Variants in RAD51D observed in about 807,000 individuals in gnomAD.
RAD51D encodes the protein RAD51 paralog D, also known as DNA repair protein RAD51 homolog 4.
Under a neutral mutation model 44.1 loss-of-function variants are expected in RAD51D, and 38 were observed. The observed-to-expected ratio is 0.86, with a 90% CI of 0.67 to 1.13. The LOEUF is 1.13. Ranked by LOEUF, RAD51D falls within the 50% of genes most tolerant of loss-of-function variation. The probability of loss-of-function intolerance (pLI) is 0.00; values close to 1 mark genes in which losing one functional copy is unlikely to be tolerated. For synonymous variants in RAD51D, 141 were observed against 166.6 expected, an observed-to-expected ratio of 0.85 and a Z score of 1.18; for missense variants, 390 against 414.0, an observed-to-expected ratio of 0.94 and a Z score of 0.50.
rs2142479898 is a variant in RAD51D, at chr17:35,119,518, G to A, written c.82+14C>T. ...AGGCCCGCGCGGCTCCCTGGCACGC[G>A]CACACCCGGTCACCTGTCTTGATCC... On this transcript the variant is annotated intron_variant, in intron 1 of 9. Coordinates refer to ENST00000345365, the MANE Select transcript of RAD51D (RefSeq NM_002878.4). 1 of 1,610,202 alleles carries A rather than the reference G, an allele frequency of 6.2e-7. No homozygotes were observed.
In RAD51D at chr17:35,096,630, G is replaced by A. The variant is rs763594156; in HGVS notation, c.*4323C>T. The stretch of plus-strand genomic sequence containing the variant: ...ATCCCTAGCACTTTGGGAGGTCAAG[G>A]CGGGTAGATCACCTGAGCCCAGGAG... On this transcript the variant is annotated 3_prime_UTR_variant, in exon 10 of 10. Transcript: ENST00000345365. 1 of 152,190 alleles carries A rather than the reference G, an allele frequency of 6.6e-6. No homozygotes were observed. The highest frequency in any genetic ancestry group is 1.5e-5 in the Non-Finnish European group (1 of 68,056). The allele number at this position is 152,190 out of a possible 1,614,324, so 9.4% of individuals were successfully genotyped here.
intron 3 of RAD51D, among the ~76,000 whole-genome samples, chr17:35,116,252 A>G (rs918935991): frequency 6.6e-6 from 1 of 152,000 alleles, no homozygotes; most frequent in African/African-American, 2.4e-5. Context: ...GGCCTCTGCC[A>G]CCCTTCCACC....
Position 35,098,017 on chromosome 17 carries a change from G to T in RAD51D, c.*2936C>A, listed in dbSNP as rs1000155555. 6.6e-6 allele frequency: 1 copy of T among 152,276 alleles called. No individual in the cohort carries two copies. The highest frequency in any genetic ancestry group is 2.4e-5 in the African/African-American group (1 of 41,400). The allele number at this position is 152,276 out of a possible 1,614,324, so 9.4% of individuals were successfully genotyped here. On this transcript the variant is annotated 3_prime_UTR_variant, in exon 10 of 10. Transcript: ENST00000345365. ...CCGGAACAGAGTGCAGTGGCAGCAGGCAGGCAAGACAAAGTCCTGGTCTAG... is the reference window on the plus strand; with the variant it reads ...CCGGAACAGAGTGCAGTGGCAGCAGTCAGGCAAGACAAAGTCCTGGTCTAG...
chr17:35,118,737 G>A (rs1420395536), intron 2 of RAD51D, 118 bp from the exon 3 acceptor site: 2 of 828,812 alleles, frequency 2.4e-6, no homozygotes, highest in Non-Finnish European at 4.1e-6. Context: ...GGCTTGGGAT[G>A]GACTTTTGTT....
chr17:35,112,056 C>T lies in RAD51D; in HGVS notation c.264-4609G>A, dbSNP rs552130274. Among the ~76,000 whole-genome samples the T allele has an allele frequency of 7.2e-5, 11 of 152,296 alleles. No individual in the cohort carries two copies. The South Asian group carries it at 2.3e-3, about 32-fold the overall frequency. ...ATTTCTCTGAAACAACTATAAATGG[C>T]ATTGTGTTTTTGTTTGTTTGTTTAT... On this transcript the variant is annotated intron_variant, in intron 3 of 9. Coordinates refer to ENST00000345365, the MANE Select transcript of RAD51D (RefSeq NM_002878.4).
chr17:35,118,055 TA>T (rs2091770280), intron 3 of RAD51D, among the ~76,000 whole-genome samples: 1 of 152,128 alleles, frequency 6.6e-6, no homozygotes, highest in South Asian at 2.1e-4. Flanking sequence ...AAATAAGAAG[TA>T]GGGCCAGAGA....
chr17:35,100,156 T>C lies in RAD51D; in HGVS notation c.*797A>G. Reference sequence around the variant, plus strand: ...GAGGGGCCCCACAGGGCACCATGCATATTAAATGAGTGGCTGGATTCACCA... The same window carrying C: ...GAGGGGCCCCACAGGGCACCATGCACATTAAATGAGTGGCTGGATTCACCA... On this transcript the variant is annotated 3_prime_UTR_variant, in exon 10 of 10. Transcript: ENST00000345365. 1.9e-6 allele frequency: 1 copy of C among 532,968 alleles called. No individual in the cohort carries two copies. The highest frequency in any genetic ancestry group is 3.6e-6 in the Non-Finnish European group (1 of 275,490). 33.0% of individuals were successfully genotyped at this position (532,968 alleles called of 1,614,324 possible).
At chr17:35,114,102 C>G (rs1475500859) in intron 3 of RAD51D, among the ~76,000 whole-genome samples, 1 of 151,966 alleles carries the variant, frequency 6.6e-6, no homozygotes, top group Non-Finnish European at 1.5e-5. Flanking sequence ...GAAACTCCGT[C>G]TCTACTAAAA....
In RAD51D at chr17:35,103,958, A is replaced by G. The variant is rs1397081886; in HGVS notation, c.577-414T>C. Among the ~76,000 whole-genome samples, 1 of 152,110 alleles carries G rather than the reference A, an allele frequency of 6.6e-6. No homozygotes were observed. The highest frequency in any genetic ancestry group is 1.5e-5 in the Non-Finnish European group (1 of 68,008). ...CTGGGCGTGGTGGTGCACACCTGTAATCCCAGCTACTCAGGAGGCTGAGGC... is the reference window on the plus strand; with the variant it reads ...CTGGGCGTGGTGGTGCACACCTGTAGTCCCAGCTACTCAGGAGGCTGAGGC... On this transcript the variant is annotated intron_variant, in intron 6 of 9. Transcript: ENST00000345365. This position sits in a 1 kb window ranked among gnomAD's most constrained non-coding sequence, Gnocchi z 4.1.
At chr17:35,110,176 G>A (rs2091658192) in intron 3 of RAD51D, among the ~76,000 whole-genome samples, 3 of 151,842 alleles carry the variant, frequency 2.0e-5, no homozygotes, top group South Asian at 4.2e-4. Flanking sequence ...TTTTTGCCAC[G>A]TTGCCCAGGC....
chr17:35,107,076 T>C lies in RAD51D; in HGVS notation c.392A>G (p.Asn131Ser), dbSNP rs1060502954. The part of the protein sequence containing the change: ...AANVAHGLQQ[N>S]VLYVDSNGGL... ...TCCATTGGAATCTACATATAGGACG[T>C]TTTGCTGCAGGCCATGGGCCACATT... The change falls in exon 5 of 10, where the codon AAC (asparagine) becomes AGC (serine). Residue 131 changes from asparagine (N) to serine (S), a missense_variant. Physicochemically the swap from Asn to Ser is conservative, Grantham distance 46. Coordinates refer to ENST00000345365, the MANE Select transcript of RAD51D (RefSeq NM_002878.4). 3.7e-6 allele frequency: 6 copies of C among 1,613,952 alleles called. No homozygotes were observed. Among genetic ancestry groups the C allele is most frequent in the Non-Finnish European group, 3.4e-6 (4 of 1,180,032 alleles).
At chr17:35,115,227 A>G (rs377323620) in intron 3 of RAD51D, 2 of 514,816 alleles carry the variant, frequency 3.9e-6, no homozygotes, top group African/African-American at 3.9e-5. Context: ...TTCCCTCTGA[A>G]CTGCCTTTTA....
chr17:35,101,462 CA>C (rs1319984608), intron 8 of RAD51D, 97 bp from the exon 9 acceptor site: 8 of 1,364,586 alleles, frequency 5.9e-6, no homozygotes, highest in Admixed American at 1.7e-5. Context: ...AGGCCTAGCA[CA>C]GAGAAATAAC....
chr17:35,103,483 G>A lies in RAD51D; in HGVS notation c.638C>T (p.Ser213Phe), dbSNP rs1216040595. 6.2e-7 allele frequency: 1 copy of A among 1,614,070 alleles called. No individual in the cohort carries two copies. The highest frequency in any genetic ancestry group is 8.5e-7 in the Non-Finnish European group (1 of 1,180,044). ...CCTCTGCTGACCTCCCAGAAGTGGG[G>A]AAACCACCGCAGTGACCGAGTCCAC... is the stretch of plus-strand genomic sequence containing the variant. The part of the protein sequence containing the change: ...VVVDSVTAVV[S>F]PLLGGQQREG... Residue 213 changes from serine (S) to phenylalanine (F), a missense_variant, in exon 7 of 10, where the codon TCC (serine) becomes TTC (phenylalanine). By Grantham distance (155) the Ser-to-Phe change is radical (BLOSUM62 -2). Transcript: ENST00000345365. The surrounding 1 kb of genome is among the most constrained non-coding windows in gnomAD (Gnocchi z 4.1).
rs2142410673 is a variant in RAD51D, at chr17:35,101,186, C to G, written c.903+15G>C. The G allele has an allele frequency of 6.2e-7, 1 of 1,614,124 alleles. No individual in the cohort carries two copies. The highest frequency in any genetic ancestry group is 1.3e-5 in the African/African-American group (1 of 75,054). On this transcript the variant is annotated intron_variant, in intron 9 of 9. Coordinates refer to ENST00000345365, the MANE Select transcript of RAD51D (RefSeq NM_002878.4). ...AGGGCCCAAGATTACTGGCATCTTCCTGGGGCTGGCTCACCTGTCGGGAAG... is the reference window on the plus strand; with the variant it reads ...AGGGCCCAAGATTACTGGCATCTTCGTGGGGCTGGCTCACCTGTCGGGAAG...
intron 1 of RAD51D, 105 bp downstream of exon 1, chr17:35,119,427 A>C: frequency 7.5e-7 from 1 of 1,334,704 alleles, no homozygotes; most frequent in South Asian, 1.2e-5. Flanking sequence ...CTAGGAATGG[A>C]GGGGAAGCGC....
intron 3 of RAD51D, among the ~76,000 whole-genome samples, chr17:35,112,512 G>A (rs547323276): frequency 2.6e-5 from 4 of 152,100 alleles, no homozygotes; most frequent in South Asian, 2.1e-4. Flanking sequence ...CAAGTGGCTG[G>A]GATTACAACC....
chr17:35,119,228 TG>T, intron 1 of RAD51D, 56 bp from the exon 2 acceptor site: 3 of 1,489,956 alleles, frequency 2.0e-6, no homozygotes, highest in Non-Finnish European at 1.9e-6. Context: ...CTCCCACACT[TG>T]GTTTTTCCTC....
In RAD51D at chr17:35,117,108, G is replaced by A. The variant is rs1425011889; in HGVS notation, c.263+1393C>T. ...TGTTCACCACTCCCTCCTTACCGTT[G>A]CCTCCCTCGGTGCTTACAGCTCTCT... On this transcript the variant is annotated intron_variant, in intron 3 of 9. Transcript: ENST00000345365. 4 of 1,492,120 alleles carry A rather than the reference G, an allele frequency of 2.7e-6. No individual in the cohort carries two copies. The African/African-American group carries it at 5.6e-5, about 21-fold the overall frequency. 92.4% of individuals were successfully genotyped at this position (1,492,120 alleles called of 1,614,324 possible). A position where few individuals can be genotyped will look rare whatever the true frequency, so the allele number is the denominator to read the frequency against.
Sources: gnomAD v4.1 joint callset for allele counts (sites outside exome capture counted in the v4.1 genomes callset) on GRCh38, gnomAD v4.1.1 for gene constraint, Gnocchi (gnomAD v3.1) non-coding constraint, MANE v1.5 for transcripts, NCBI Gene and HGNC (gene_info 2026-07-23, HGNC 2026-07-21) for gene names.